ZNF202: variants seen among roughly 807,000 people sequenced by gnomAD.
The protein encoded by ZNF202 is zinc finger protein with KRAB and SCAN domains 10.
ZNF202 carries 22 observed loss-of-function variants against 54.5 expected under a neutral mutation model. The observed-to-expected ratio is 0.40, with a 90% CI of 0.29 to 0.58. The LOEUF (loss-of-function observed/expected upper bound fraction) is 0.58. Among genes scored for constraint, ZNF202 ranks in the 20% least tolerant of loss-of-function variants. The probability of loss-of-function intolerance (pLI) is 0.39; values close to 1 mark genes in which losing one functional copy is unlikely to be tolerated. For synonymous variants in ZNF202, 294 were observed against 301.4 expected (o/e 0.98, Z 0.26); for missense variants, 644 against 805.5 (o/e 0.80, Z 2.43).
At position 123,728,323 on chromosome 11, in the gene ZNF202, CTGT is replaced by C. The variant is rs1381979214; in HGVS notation, c.703-64_703-62del. The stretch of plus-strand genomic sequence containing the variant: ...CTACGGGTAGCCTCGTATTTTGTCC[CTGT>C]TGAAGGTCATACAATAGGTGGACTC... On this transcript the variant is annotated intron_variant, in intron 6 of 8. Transcript: ENST00000530393. 7.8e-6 allele frequency: 12 copies of C among 1,538,428 alleles called. No homozygotes were observed. In the East Asian group the frequency reaches 3.0e-4, roughly 39 times the overall value.
At position 123,725,794 on chromosome 11, in the gene ZNF202, T is replaced by A. The variant is rs1162601932; in HGVS notation, c.*203A>T. 3 of 600,898 alleles carry A rather than the reference T, an allele frequency of 5.0e-6. No individual in the cohort carries two copies. The highest frequency in any genetic ancestry group is 3.7e-5 in the African/African-American group (2 of 54,030). The allele number at this position is 600,898 out of a possible 1,614,324, so 37.2% of individuals were successfully genotyped here. ...GCCTCAATTCAGGTTGTACTTTGGATGAAACATCCCCTCAAGGCGTAGAGG... is the reference window on the plus strand; with the variant it reads ...GCCTCAATTCAGGTTGTACTTTGGAAGAAACATCCCCTCAAGGCGTAGAGG... On this transcript the variant is annotated 3_prime_UTR_variant, in exon 9 of 9. Coordinates refer to ENST00000530393, the MANE Select transcript of ZNF202 (RefSeq NM_003455.4).
Position 123,730,906 on chromosome 11 carries a change from G to GTCTCACA in ZNF202, c.-25_-19dup. 6.2e-7 allele frequency: 1 copy of GTCTCACA among 1,603,566 alleles called. No individual in the cohort carries two copies. The highest frequency in any genetic ancestry group is 8.5e-7 in the Non-Finnish European group (1 of 1,174,132). Reference sequence around the variant, plus strand: ...GTAGCCATTTCTTGGCTTTGGGGTGGTCTCACACCATCTAGAGCTCACACT... The same window carrying GTCTCACA: ...GTAGCCATTTCTTGGCTTTGGGGTGGTCTCACATCTCACACCATCTAGAGCTCACACT... On this transcript the variant is annotated 5_prime_UTR_variant, in exon 4 of 9. In the 5' UTR this introduces an upstream ATG that the reference lacks. Transcript: ENST00000530393. The surrounding 1 kb of genome is among the most constrained non-coding windows in gnomAD (Gnocchi z 6.0).
intron 3 of ZNF202, among the ~76,000 whole-genome samples, chr11:123,731,356 A>AT (rs1445051425): frequency 1.3e-5 from 2 of 152,210 alleles, no homozygotes; most frequent in Non-Finnish European, 2.9e-5. Flanking sequence ...ACTTCCTAAG[A>AT]TCCCTGCAGT....
intron 6 of ZNF202, among the ~76,000 whole-genome samples, 165 bp from the exon 7 acceptor site, chr11:123,728,427 A>G (rs2137321940): frequency 6.6e-6 from 1 of 152,198 alleles, no homozygotes; most frequent in South Asian, 2.1e-4. Context: ...CCCCTGTGGC[A>G]CTGGCCCTGC....
At chr11:123,732,638 C>T (rs1393688881) in intron 3 of ZNF202, among the ~76,000 whole-genome samples, 6 of 152,154 alleles carry the variant, frequency 3.9e-5, no homozygotes, top group Admixed American at 1.3e-4. Flanking sequence ...ACCTCTCTAT[C>T]CCAGTATTGG....
Position 123,726,847 on chromosome 11 carries a change from T to G in ZNF202, c.1097A>C (p.Asn366Thr). 1.9e-6 allele frequency: 3 copies of G among 1,614,226 alleles called. No homozygotes were observed. The highest frequency in any genetic ancestry group is 8.5e-7 in the Non-Finnish European group (1 of 1,180,042). Residue 366 changes from asparagine to threonine, a missense_variant, in exon 9 of 9, where the codon AAT (asparagine) becomes ACT (threonine). Around this residue, in one of 3 missense-constraint regions of ZNF202, gnomAD observed 536 missense variants for 635.3 expected, o/e 0.84. Coordinates refer to ENST00000530393, the MANE Select transcript of ZNF202 (RefSeq NM_003455.4). The surrounding 1 kb of genome is among the most constrained non-coding windows in gnomAD (Gnocchi z 6.0). ...IVFEDNPGRL[N>T]ERRFGTNISQ... ...AATATTAGTACCAAATCTTCTTTCA[T>G]TAAGTCTACCTGGATTGTCCTCAAA...
rs1202936485 is a variant in ZNF202 at position 123,727,604 on chromosome 11, G to A, written c.833-9C>T. On this transcript the variant is annotated splice_polypyrimidine_tract_variant and intron_variant, in intron 7 of 8. Coordinates refer to ENST00000530393, the MANE Select transcript of ZNF202 (RefSeq NM_003455.4). ...TCTGGGGATTGGAAATGCTGCTCAAGAGAGGGAAAATAGGATATCACGATT... is the reference window on the plus strand; with the variant it reads ...TCTGGGGATTGGAAATGCTGCTCAAAAGAGGGAAAATAGGATATCACGATT... The A allele has an allele frequency of 1.9e-6, 3 of 1,613,878 alleles. No individual in the cohort carries two copies. Among genetic ancestry groups the A allele is most frequent in the Non-Finnish European group, 2.5e-6 (3 of 1,179,946 alleles).
rs776914214 is a variant in ZNF202, at chr11:123,726,516, T to C, written c.1428A>G (p.Ser476=). ...CATCACATCTATAGGGTTTCTCCAC[T>C]GATGGAGTTCTCTCAGCCTGTGTCA... ...SPVTQAERTP[S]VEKPYRCDDC... Residue 476 remains serine (S), a synonymous_variant, in exon 9 of 9, where the codon TCA becomes TCG. Transcript: ENST00000530393. The surrounding 1 kb of genome is among the most constrained non-coding windows in gnomAD (Gnocchi z 6.0). 13 of 1,614,120 alleles carry C rather than the reference T, an allele frequency of 8.1e-6. No individual in the cohort carries two copies. The highest frequency in any genetic ancestry group is 1.1e-5 in the Non-Finnish European group (13 of 1,180,032).
In ZNF202 at chr11:123,725,844, T is replaced by C; in HGVS notation, c.*153A>G. Reference sequence around the variant, plus strand: ...GAAGGCTGAGAGGTTCTGCCCAGGCTCGTGTTTAGTTGCAGGAAGAGGTAA... The same window carrying C: ...GAAGGCTGAGAGGTTCTGCCCAGGCCCGTGTTTAGTTGCAGGAAGAGGTAA... On this transcript the variant is annotated 3_prime_UTR_variant, in exon 9 of 9. Transcript: ENST00000530393. 1.1e-6 allele frequency: 1 copy of C among 870,864 alleles called. No homozygotes were observed. The highest frequency in any genetic ancestry group is 1.7e-6 in the Non-Finnish European group (1 of 587,064). The allele number at this position is 870,864 out of a possible 1,614,324, so 53.9% of individuals were successfully genotyped here.
intron 3 of ZNF202, among the ~76,000 whole-genome samples, chr11:123,732,174 G>A (rs1313298688): frequency 6.6e-6 from 1 of 152,130 alleles, no homozygotes; most frequent in Non-Finnish European, 1.5e-5. Context: ...CTGGATGACT[G>A]CAACTGCCTC....
In ZNF202 at chr11:123,727,010, GA is replaced by G; in HGVS notation, c.953-20del. ...CTATCTCCTGTAGAAAGGGTGAGAG[GA>G]AAAAGGGGGTCACTGTAGCGGCAAC... On this transcript the variant is annotated intron_variant, in intron 8 of 8. Transcript: ENST00000530393. 1.3e-6 allele frequency: 2 copies of G among 1,586,324 alleles called. No homozygotes were observed. Among genetic ancestry groups the G allele is most frequent in the Admixed American group, 1.8e-5 (1 of 55,250 alleles).
At chr11:123,732,416 G>A (rs1391576471) in intron 3 of ZNF202, among the ~76,000 whole-genome samples, 2 of 152,100 alleles carry the variant, frequency 1.3e-5, no homozygotes, top group Admixed American at 6.5e-5. Context: ...ACGCACACAC[G>A]TGTGTACATG....
chr11:123,734,960 T>A (rs1861571012), intron 3 of ZNF202, among the ~76,000 whole-genome samples: 1 of 151,872 alleles, frequency 6.6e-6, no homozygotes, highest in Non-Finnish European at 1.5e-5. Flanking sequence ...TCACAAGGAA[T>A]CTTCAGGTTG....
Position 123,726,229 on chromosome 11 carries a change from C to T in ZNF202, c.1715G>A (p.Arg572His), listed in dbSNP as rs756194532. The T allele has an allele frequency of 5.0e-6, 8 of 1,614,088 alleles. No individual in the cohort carries two copies. The East Asian group carries it at 6.7e-5, about 13-fold the overall frequency. Residue 572 changes from arginine to histidine, a missense_variant, in exon 9 of 9, where the codon CGC becomes CAC. Physicochemically the swap from Arg to His is conservative, Grantham distance 29 (BLOSUM62 0). This residue lies in a region of ZNF202 where 536 missense variants were observed against 635.3 expected (regional missense o/e 0.84). Coordinates refer to ENST00000530393, the MANE Select transcript of ZNF202 (RefSeq NM_003455.4). The surrounding 1 kb of genome is among the most constrained non-coding windows in gnomAD (Gnocchi z 6.0). ...EELYLCSECG[R>H]CFTHSAAFAK... Reference sequence around the variant, plus strand: ...GAACGCTGCGCTGTGGGTGAAGCAGCGCCCGCACTCGCTGCAGAGGTAGAG... The same window carrying T: ...GAACGCTGCGCTGTGGGTGAAGCAGTGCCCGCACTCGCTGCAGAGGTAGAG...
Position 123,728,250 on chromosome 11 carries a change from A to G in ZNF202, c.715T>C (p.Phe239Leu). The G allele has an allele frequency of 6.2e-7, 1 of 1,610,460 alleles. No homozygotes were observed. ...LTALSQGLVTFKDVAVCFSQD... is the reference protein window; with the variant it reads ...LTALSQGLVTLKDVAVCFSQD... ...GAAAAGCATACGGCCACATCCTTGA[A>G]CGTTACCAGTCCCTGAAACCACATA... is the stretch of plus-strand genomic sequence containing the variant. Residue 239 changes from phenylalanine (F) to leucine (L), a missense_variant, in exon 7 of 9, where the codon TTC becomes CTC. Physicochemically the swap from Phe to Leu is conservative, Grantham distance 22. Coordinates refer to ENST00000530393, the MANE Select transcript of ZNF202 (RefSeq NM_003455.4).
intron 1 of ZNF202, 96 bp from the exon 2 acceptor site, chr11:123,740,632 CAAGA>C (rs1248396110): frequency 3.3e-5 from 5 of 152,286 alleles, no homozygotes; most frequent in Non-Finnish European, 5.9e-5. Context: ...CAAGGTTGTT[CAAGA>C]AAGGCTGGGT....
Position 123,740,201 on chromosome 11 carries a change from T to C in ZNF202, c.-173-9A>G, listed in dbSNP as rs1565532774. The C allele has an allele frequency of 6.6e-6, 1 of 152,212 alleles. No homozygotes were observed. The highest frequency in any genetic ancestry group is 2.4e-5 in the African/African-American group (1 of 41,446). The allele number at this position is 152,212 out of a possible 1,614,324, so 9.4% of individuals were successfully genotyped here. A position where few individuals can be genotyped will look rare whatever the true frequency, so the allele number is the denominator to read the frequency against. On this transcript the variant is annotated splice_polypyrimidine_tract_variant and intron_variant, in intron 2 of 8. Transcript: ENST00000530393. ...CTTGGAATGATTGTCTACTGCAATA[T>C]AGTATATACACAGAGTACAAAAAGG...
Position 123,730,771 on chromosome 11 carries a change from G to T in ZNF202, c.118C>A (p.Pro40Thr). ...TTCTGGTGGGAGGTTTCCAGCACCG[G>T]GTCATCCCTCTGTAAGACAGACTCT... Reference protein sequence around the residue: ...RPESVLQRDDPVLETSHQNFR... With the variant: ...RPESVLQRDDTVLETSHQNFR... Residue 40 changes from proline to threonine, a missense_variant, in exon 4 of 9, where the codon CCG becomes ACG. By Grantham distance (38) the Pro-to-Thr change is conservative (BLOSUM62 -1). Around this residue, in one of 3 missense-constraint regions of ZNF202, gnomAD observed 46 missense variants for 47.4 expected, o/e 0.97. Transcript: ENST00000530393. This position sits in a 1 kb window ranked among gnomAD's most constrained non-coding sequence, Gnocchi z 6.0. 6.2e-7 allele frequency: 1 copy of T among 1,614,178 alleles called. No individual in the cohort carries two copies. The highest frequency in any genetic ancestry group is 8.5e-7 in the Non-Finnish European group (1 of 1,180,038).
Position 123,725,584 on chromosome 11 carries a change from G to C in ZNF202, c.*413C>G, listed in dbSNP as rs1409217676. ...ACCCCAGTAAAGACAGAATCCTTCA[G>C]GCTCGTCCCTTCCCAAACCTAAGGG... On this transcript the variant is annotated 3_prime_UTR_variant, in exon 9 of 9. Transcript: ENST00000530393. 1 of 168,784 alleles carries C rather than the reference G, an allele frequency of 5.9e-6. No individual in the cohort carries two copies. The highest frequency in any genetic ancestry group is 1.3e-5 in the Non-Finnish European group (1 of 77,124). The allele number at this position is 168,784 out of a possible 1,614,324, so 10.5% of individuals were successfully genotyped here. A position where few individuals can be genotyped will look rare whatever the true frequency, so the allele number is the denominator to read the frequency against.
Sources: allele counts gnomAD v4.1 joint callset (sites outside exome capture counted in the v4.1 genomes callset), GRCh38; gene constraint gnomAD v4.1.1; regional missense constraint gnomAD v4.1.1; non-coding constraint Gnocchi (gnomAD v3.1); transcripts MANE v1.5; gene names NCBI Gene and HGNC (gene_info 2026-07-23, HGNC 2026-07-21).